Variants in MTHFD2L observed in about 807,000 individuals in gnomAD.
MTHFD2L encodes methylenetetrahydrofolate dehydrogenase (NADP+ dependent) 2 like, also known as bifunctional methylenetetrahydrofolate dehydrogenase/cyclohydrolase 2, mitochondrial.
Under a neutral mutation model 34.9 loss-of-function variants are expected in MTHFD2L, and 29 were observed. The ratio of observed to expected loss-of-function variants is 0.83; its 90% CI spans 0.62 to 1.13. The LOEUF (loss-of-function observed/expected upper bound fraction) is 1.13. MTHFD2L is among the 50% of genes most tolerant of loss of function. MTHFD2L has a pLI of 0.00. For synonymous variants in MTHFD2L, 167 were observed against 155.7 expected (o/e 1.07, Z -0.54); for missense variants, 481 against 446.5 (o/e 1.08, Z -0.70).
intron 6 of MTHFD2L, among the ~76,000 whole-genome samples, chr4:74,244,618 G>T (rs976025509): frequency 1.3e-5 from 2 of 152,146 alleles, no homozygotes; most frequent in Non-Finnish European, 2.9e-5. Context: ...TCAATGAAAT[G>T]CTATTTTCCA....
At chr4:74,160,065 G>A in intron 1 of MTHFD2L, 1 of 1,289,218 alleles carries the variant, frequency 7.8e-7, no homozygotes, top group Non-Finnish European at 1.0e-6. Flanking sequence ...GACCAGCAGA[G>A]AGAAGAGATT....
At chr4:74,282,122 A>G (rs1409110535) in intron 7 of MTHFD2L, among the ~76,000 whole-genome samples, 1 of 151,296 alleles carries the variant, frequency 6.6e-6, no homozygotes, top group African/African-American at 2.4e-5. Flanking sequence ...TGTAGTAGTA[A>G]AAAAAAAATT....
intron 5 of MTHFD2L, among the ~76,000 whole-genome samples, chr4:74,204,678 A>G (rs967296783): frequency 2.6e-5 from 4 of 152,136 alleles, no homozygotes; most frequent in Non-Finnish European, 4.4e-5. Context: ...ATAAATTTCA[A>G]TCTTGAATTA....
At chr4:74,162,691 A>T (rs1356932634) in intron 1 of MTHFD2L, among the ~76,000 whole-genome samples, 3 of 152,150 alleles carry the variant, frequency 2.0e-5, no homozygotes, top group South Asian at 2.1e-4. Flanking sequence ...TCCTCACAAC[A>T]ACTAAAGGAA....
intron 5 of MTHFD2L, among the ~76,000 whole-genome samples, chr4:74,211,756 A>T (rs182142597): frequency 3.9e-5 from 6 of 152,042 alleles, no homozygotes; most frequent in Non-Finnish European, 7.4e-5. Context: ...TTCAGAAGGA[A>T]TGATACCAGC....
intron 6 of MTHFD2L, among the ~76,000 whole-genome samples, chr4:74,228,141 G>A (rs1304051123): frequency 1.3e-5 from 2 of 152,116 alleles, no homozygotes; most frequent in African/African-American, 4.8e-5. Context: ...GATATCAAAT[G>A]CAAATTTTTG....
At position 74,202,288 on chromosome 4, in the gene MTHFD2L, C is replaced by G. The variant is rs375804657; in HGVS notation, c.712+918C>G. On this transcript the variant is annotated intron_variant, in intron 5 of 7. Coordinates refer to ENST00000325278, the MANE Select transcript of MTHFD2L (RefSeq NM_001144978.3). ...ATCAAAGGTTAGTCTTAGGACCACA[C>G]GAGTAAACAAGCTAGTTAGGTAAAC... is the stretch of plus-strand genomic sequence containing the variant. Among the ~76,000 whole-genome samples, 120 of 152,274 alleles carry G rather than the reference C, an allele frequency of 7.9e-4. 1 individual carries two copies. The highest frequency in any genetic ancestry group is 2.6e-3 in the African/African-American group (109 of 41,554).
intron 5 of MTHFD2L, among the ~76,000 whole-genome samples, chr4:74,209,247 G>T (rs1735877655): frequency 6.6e-6 from 1 of 152,104 alleles, no homozygotes; most frequent in Admixed American, 6.5e-5. Flanking sequence ...GAACGTGCAG[G>T]TTTGTTACAT....
intron 6 of MTHFD2L, among the ~76,000 whole-genome samples, chr4:74,227,407 A>G (rs1468081236): frequency 6.6e-6 from 1 of 150,982 alleles, no homozygotes; most frequent in African/African-American, 2.5e-5. Context: ...AAATTATTTC[A>G]TTACTATATG....
chr4:74,250,181 T>A (rs1469178907), intron 6 of MTHFD2L, among the ~76,000 whole-genome samples: 1 of 152,168 alleles, frequency 6.6e-6, no homozygotes, highest in Admixed American at 6.5e-5. Context: ...TTCATTTCTT[T>A]TTATTCTTTT....
chr4:74,175,014 G>T (rs1728756289), intron 2 of MTHFD2L, among the ~76,000 whole-genome samples: 3 of 152,114 alleles, frequency 2.0e-5, no homozygotes, highest in Admixed American at 2.0e-4. Flanking sequence ...CCTAATAGTT[G>T]CATGGTAGTG....
At chr4:74,243,327 G>T (rs1243732511) in intron 6 of MTHFD2L, among the ~76,000 whole-genome samples, 1 of 152,178 alleles carries the variant, frequency 6.6e-6, no homozygotes, top group Non-Finnish European at 1.5e-5. Context: ...GAACTCTGCA[G>T]GTTATCTTTG....
intron 6 of MTHFD2L, among the ~76,000 whole-genome samples, chr4:74,276,790 A>C (rs1746711775): frequency 6.6e-6 from 1 of 152,152 alleles, no homozygotes; most frequent in African/African-American, 2.4e-5. Flanking sequence ...TAGCGTAACT[A>C]AAATAGAGAT....
intron 7 of MTHFD2L, among the ~76,000 whole-genome samples, chr4:74,298,933 G>A (rs941244949): frequency 2.0e-5 from 3 of 151,912 alleles, no homozygotes; most frequent in Non-Finnish European, 2.9e-5. Flanking sequence ...AGAGTGATAA[G>A]TCACTGTAAC....
chr4:74,124,785 T>C (rs1030250506), upstream of MTHFD2L, among the ~76,000 whole-genome samples: 7 of 152,202 alleles, frequency 4.6e-5, no homozygotes, highest in African/African-American at 1.7e-4. Flanking sequence ...TTTTATACCT[T>C]TGCATCCCAA....
intron 6 of MTHFD2L, among the ~76,000 whole-genome samples, chr4:74,278,601 G>A (rs759545429): frequency 3.9e-5 from 6 of 152,068 alleles, no homozygotes; most frequent in Non-Finnish European, 5.9e-5. Flanking sequence ...TGCCATCACT[G>A]GTTGTTGGCA....
At chr4:74,269,091 A>C (rs1344372748) in intron 6 of MTHFD2L, among the ~76,000 whole-genome samples, 1 of 152,160 alleles carries the variant, frequency 6.6e-6, no homozygotes, top group Non-Finnish European at 1.5e-5. Flanking sequence ...TATCAAAGAG[A>C]TTTTCACCTG....
intron 6 of MTHFD2L, among the ~76,000 whole-genome samples, chr4:74,272,830 A>T (rs1360815908): frequency 6.6e-6 from 1 of 152,182 alleles, no homozygotes; most frequent in Non-Finnish European, 1.5e-5. Flanking sequence ...CATCTGAATC[A>T]GTGTTTACTT....
chr4:74,131,349 A>T (rs554995356), intron 1 of MTHFD2L, among the ~76,000 whole-genome samples: 35 of 152,352 alleles, frequency 2.3e-4, no homozygotes, highest in African/African-American at 8.2e-4. Flanking sequence ...ACAAGTCCAC[A>T]GTAATCAAAA....
Sources: gnomAD v4.1 joint callset for allele counts (sites outside exome capture counted in the v4.1 genomes callset) on GRCh38, gnomAD v4.1.1 for gene constraint, MANE v1.5 for transcripts, NCBI Gene and HGNC (gene_info 2026-07-23, HGNC 2026-07-21) for gene names.